Variants in SPC25 observed in about 807,000 individuals in gnomAD.
The protein encoded by SPC25 is kinetochore protein Spc25.
A neutral mutation model predicts 29.6 loss-of-function variants in SPC25; 22 were observed. That is an observed-to-expected ratio of 0.74 (90% CI 0.53 to 1.06). The LOEUF is 1.06. SPC25 is among the 50% of genes least tolerant of loss of function. The pLI is 0.00. For missense variants in SPC25, 230 were observed against 255.8 expected (o/e 0.90, Z 0.69); for synonymous variants, 91 against 90.4 (o/e 1.01, Z -0.04).
At chr2:168,869,643 C>A (rs1401723688), downstream of SPC25, among the ~76,000 whole-genome samples, 1 of 152,170 alleles carries the variant, frequency 6.6e-6, no homozygotes, top group Non-Finnish European at 1.5e-5. Flanking sequence ...AGGAATCCAA[C>A]TTACAAGGGA....
At chr2:168,876,829 A>G (rs1370602604) in intron 4 of SPC25, among the ~76,000 whole-genome samples, 1 of 152,122 alleles carries the variant, frequency 6.6e-6, no homozygotes, top group Non-Finnish European at 1.5e-5. Context: ...TGAATATGAA[A>G]GTTCTTTATA....
At chr2:168,863,273 G>A (rs1182879025) in intron 4 of SPC25, 3 of 346,538 alleles carry the variant, frequency 8.7e-6, no homozygotes, top group African/African-American at 2.2e-5. Flanking sequence ...TTACTGACGA[G>A]GGAGAACTTA....
At chr2:168,876,326 C>A in intron 4 of SPC25, 150 bp from the exon 5 acceptor site, 2 of 567,362 alleles carry the variant, frequency 3.5e-6, no homozygotes, top group South Asian at 6.9e-5. Flanking sequence ...TACCAGTTGG[C>A]TAAAAGAAGC....
At chr2:168,874,595 T>C (rs1036362797) in intron 5 of SPC25, among the ~76,000 whole-genome samples, 2 of 152,118 alleles carry the variant, frequency 1.3e-5, no homozygotes, top group African/African-American at 2.4e-5. Flanking sequence ...GGAGAACTCA[T>C]AGGATTCACT....
chr2:168,889,072 CATATATATACATATATATACACATAT>C (rs1690343778), intron 3 of SPC25, among the ~76,000 whole-genome samples, 128 bp downstream of exon 3: 2 of 45,270 alleles, frequency 4.4e-5, no homozygotes, highest in Non-Finnish European at 4.6e-5. Context: ...TATATATACA[CATATATATACATATATATACACATAT>C]ATATATACAC....
chr2:168,861,903 G>A (rs1416632456), intron 4 of SPC25: 5 of 1,483,328 alleles, frequency 3.4e-6, no homozygotes, highest in Non-Finnish European at 1.9e-6. Context: ...AAGAGCTTCA[G>A]CTCATATTCA....
Position 168,871,217 on chromosome 2 carries a change from GA to G in SPC25, c.*213del. 1.2e-5 allele frequency: 3 copies of G among 258,162 alleles called. No individual in the cohort carries two copies. The highest frequency in any genetic ancestry group is 2.1e-5 in the Non-Finnish European group (3 of 141,362). The allele number at this position is 258,162 out of a possible 1,614,324, so 16.0% of individuals were successfully genotyped here. A position where few individuals can be genotyped will look rare whatever the true frequency, so the allele number is the denominator to read the frequency against. The stretch of plus-strand genomic sequence containing the variant: ...CAACGGGGACTGTTGTGGGTTGGGG[GA>G]GGGGGGAGGGATAGCATTAGGAGAT... On this transcript the variant is annotated 3_prime_UTR_variant, in exon 7 of 7. Transcript: ENST00000282074.
intron 3 of SPC25, among the ~76,000 whole-genome samples, chr2:168,884,657 C>T (rs1690231122): frequency 6.6e-6 from 1 of 152,104 alleles, no homozygotes; most frequent in African/African-American, 2.4e-5. Context: ...CTCTTACTTC[C>T]TCTGTTCTCC....
intron 4 of SPC25, chr2:168,865,639 G>GAAAT (rs1689819790): frequency 6.6e-6 from 1 of 152,156 alleles, no homozygotes; most frequent in South Asian, 2.1e-4. Context: ...GCAGGAGAAG[G>GAAAT]AAATAAAGGG....
In SPC25 at chr2:168,876,474, G is replaced by A. The variant is rs1690088892; in HGVS notation, c.347-298C>T. ...GATTTGTATGGCTGGCATAGAAATA[G>A]ACTTCATTTATACTACTGTGCTTTT... On this transcript the variant is annotated intron_variant, in intron 4 of 6. Coordinates refer to ENST00000282074, the MANE Select transcript of SPC25 (RefSeq NM_020675.4). 2.0e-5 allele frequency among the ~76,000 whole-genome samples: 3 copies of A among 152,134 alleles called. No homozygotes were observed. The South Asian group carries it at 6.2e-4, about 32-fold the overall frequency.
At chr2:168,876,600 C>T (rs201157991) in intron 4 of SPC25, among the ~76,000 whole-genome samples, 22 of 142,792 alleles carry the variant, frequency 1.5e-4, no homozygotes, top group Middle Eastern at 7.2e-3. Flanking sequence ...TTAGTTTTTT[C>T]TTTTTTTTTT....
chr2:168,889,382 G>C lies in SPC25; in HGVS notation c.133+5C>G, dbSNP rs751825373. On this transcript the variant is annotated splice_donor_5th_base_variant and intron_variant, in intron 2 of 6. Coordinates refer to ENST00000282074, the MANE Select transcript of SPC25 (RefSeq NM_020675.4). The stretch of plus-strand genomic sequence containing the variant: ...ACCAGCATGTTACAAGTTAACACTA[G>C]GTACCTGCAAATGCTTTGATGGAAT... 4 of 1,613,992 alleles carry C rather than the reference G, an allele frequency of 2.5e-6. No homozygotes were observed. The highest frequency in any genetic ancestry group is 4.5e-5 in the East Asian group (2 of 44,846).
rs550412854 is a variant in SPC25 at position 168,861,850 on chromosome 2, A to T, written n.419+11735T>A. ...AATTACAAACTTTCCTTTTGAGAAAAATTTAATATATTGAAACTCTGCATC... is the reference window on the plus strand; with the variant it reads ...AATTACAAACTTTCCTTTTGAGAAATATTTAATATATTGAAACTCTGCATC... On this transcript the variant is annotated intron_variant and non_coding_transcript_variant, in intron 4 of 4. Transcript: ENST00000479309. The T allele has an allele frequency of 2.4e-5, 24 of 989,676 alleles. 1 individual carries two copies. The African/African-American group carries it at 3.3e-4, about 13-fold the overall frequency. 61.3% of individuals were successfully genotyped at this position (989,676 alleles called of 1,614,324 possible).
intron 4 of SPC25, chr2:168,865,020 T>C: frequency 1.3e-6 from 2 of 1,591,604 alleles, no homozygotes; most frequent in Non-Finnish European, 8.6e-7. Flanking sequence ...AACAATACAG[T>C]GTGGTTCAAA....
At chr2:168,863,133 C>T (rs1371445274) in intron 4 of SPC25, among the ~76,000 whole-genome samples, 2 of 152,206 alleles carry the variant, frequency 1.3e-5, no homozygotes, top group South Asian at 2.1e-4. Context: ...CTGTTGGTTG[C>T]AAAGCCTACT....
intron 4 of SPC25, chr2:168,865,162 A>G (rs1157981223): frequency 3.2e-6 from 2 of 618,440 alleles, no homozygotes; most frequent in African/African-American, 1.9e-5. Context: ...GGGTGGAGAC[A>G]GACAAGGAAG....
Position 168,863,193 on chromosome 2 carries a change from C to A in SPC25, n.419+10392G>T, listed in dbSNP as rs539400. On this transcript the variant is annotated intron_variant and non_coding_transcript_variant, in intron 4 of 4. Coordinates refer to the SPC25 transcript ENST00000479309. ...CTTTAAATGAAACACGACGTTGGAG[C>A]CTTAGGGAAGCTGGCAATACAATTT... Among the ~76,000 whole-genome samples the A allele has an allele frequency of 2.0e-5, 3 of 152,214 alleles. No individual in the cohort carries two copies. In the East Asian group the frequency reaches 5.8e-4, roughly 29 times the overall value.
chr2:168,862,005 A>G (rs1275915542), intron 4 of SPC25: 1 of 1,614,204 alleles, frequency 6.2e-7, no homozygotes, highest in Non-Finnish European at 8.5e-7. Flanking sequence ...AAGGCCTTGT[A>G]TTCTTTTCAA....
At chr2:168,879,226 G>C (rs944278466) in intron 3 of SPC25, among the ~76,000 whole-genome samples, 4 of 152,150 alleles carry the variant, frequency 2.6e-5, no homozygotes, top group Non-Finnish European at 4.4e-5. Flanking sequence ...TTTCATGAAA[G>C]ATTTCTCTGC....
Sources: gnomAD v4.1 joint callset for allele counts (sites outside exome capture counted in the v4.1 genomes callset) on GRCh38, gnomAD v4.1.1 for gene constraint, MANE v1.5 for transcripts, NCBI Gene and HGNC (gene_info 2026-07-23, HGNC 2026-07-21) for gene names.